The following GALNT13 variants were observed in gnomAD, a reference collection of about 807,000 sequenced individuals.
GALNT13 encodes the protein UDP-GalNAc:polypeptide N-acetylgalactosaminyltransferase 13.
In GALNT13, 28 loss-of-function variants were observed where a neutral mutation model predicts 64.2. The observed-to-expected ratio is 0.44, with a 90% CI of 0.32 to 0.60. GALNT13 has a LOEUF of 0.60. GALNT13 is among the 20% of genes least tolerant of loss of function. GALNT13 has a pLI of 0.05. For synonymous variants in GALNT13, 214 were observed against 224.6 expected (o/e 0.95, Z 0.42); for missense variants, 577 against 669.8 (o/e 0.86, Z 1.53).
At chr2:153,315,196 C>T in the GALNT13 span, among the ~76,000 whole-genome samples, 2 of 152,144 alleles carry the variant, frequency 1.3e-5, no homozygotes, top group African/African-American at 4.8e-5. Flanking sequence ...TTCATGCAGA[C>T]TATTAGAACA....
the GALNT13 span, among the ~76,000 whole-genome samples, chr2:153,144,917 A>G: frequency 1.3e-5 from 2 of 152,054 alleles, no homozygotes; most frequent in East Asian, 3.9e-4. Flanking sequence ...TTCTAATACA[A>G]TTATCAAAAA....
chr2:154,356,514 T>A (rs1364827909), intron 9 of GALNT13, among the ~76,000 whole-genome samples: 1 of 152,020 alleles, frequency 6.6e-6, no homozygotes, highest in Non-Finnish European at 1.5e-5. Flanking sequence ...GTATTCTACA[T>A]GAATACTCAT....
chr2:153,926,135 C>T (rs990068), intron 2 of GALNT13, among the ~76,000 whole-genome samples: 2 of 151,808 alleles, frequency 1.3e-5, no homozygotes, highest in Admixed American at 6.6e-5. Flanking sequence ...GAAATCACTA[C>T]GCATCTCAGA....
At chr2:153,946,262 C>A (rs1691733816) in intron 3 of GALNT13, among the ~76,000 whole-genome samples, 1 of 152,106 alleles carries the variant, frequency 6.6e-6, no homozygotes, top group African/African-American at 2.4e-5. Flanking sequence ...ACTTTGATAG[C>A]CTTTTCTGCC....
At chr2:153,257,455 A>G in the GALNT13 span, among the ~76,000 whole-genome samples, 1 of 152,024 alleles carries the variant, frequency 6.6e-6, no homozygotes, top group East Asian at 1.9e-4. Context: ...AGCTGTTCCT[A>G]TTCAGCCATC....
At chr2:153,418,714 C>A in the GALNT13 span, among the ~76,000 whole-genome samples, 2 of 151,932 alleles carry the variant, frequency 1.3e-5, no homozygotes, top group African/African-American at 4.8e-5. Flanking sequence ...GGAGGGTAGC[C>A]GGGCATGGTG....
At chr2:154,079,438 T>A (rs1170955147) in intron 3 of GALNT13, among the ~76,000 whole-genome samples, 2 of 151,536 alleles carry the variant, frequency 1.3e-5, no homozygotes, top group East Asian at 1.9e-4. Flanking sequence ...TGATAAAAAA[T>A]ATATATATTT....
At chr2:154,316,668 C>A (rs1694335300) in intron 9 of GALNT13, among the ~76,000 whole-genome samples, 1 of 152,128 alleles carries the variant, frequency 6.6e-6, no homozygotes, top group African/African-American at 2.4e-5. Flanking sequence ...TGCATCATAG[C>A]ATGGCAGAGG....
chr2:153,154,583 T>G, the GALNT13 span, among the ~76,000 whole-genome samples: 1 of 152,196 alleles, frequency 6.6e-6, no homozygotes, highest in Non-Finnish European at 1.5e-5. Flanking sequence ...CTAGTGATTT[T>G]TGCACATTGA....
chr2:153,617,284 A>T, the GALNT13 span, among the ~76,000 whole-genome samples: 1 of 152,094 alleles, frequency 6.6e-6, no homozygotes, highest in South Asian at 2.1e-4. Flanking sequence ...GGGATGATAA[A>T]TTTTATCAAC....
In GALNT13 at chr2:154,292,267, C is replaced by T. The variant is rs1294063799; in HGVS notation, c.976-9142C>T. Among the ~76,000 whole-genome samples the T allele has an allele frequency of 4.6e-5, 7 of 152,020 alleles. No homozygotes were observed. In the East Asian group the frequency reaches 1.2e-3, roughly 25 times the overall value. ...GGTAGCCCAGAGCCTGCTCTTTCAC[C>T]ATGTTGCTGACATACCCTCATATAT... On this transcript the variant is annotated intron_variant, in intron 8 of 12. Coordinates refer to ENST00000392825, the MANE Select transcript of GALNT13 (RefSeq NM_052917.4).
At chr2:153,946,453 A>G (rs1004711268) in intron 3 of GALNT13, among the ~76,000 whole-genome samples, 18 of 152,070 alleles carry the variant, frequency 1.2e-4, no homozygotes, top group African/African-American at 4.3e-4. Flanking sequence ...TCAGGTTGTT[A>G]AAAAAATATA....
chr2:153,442,350 G>T, the GALNT13 span, among the ~76,000 whole-genome samples: 3 of 152,200 alleles, frequency 2.0e-5, no homozygotes, highest in Non-Finnish European at 4.4e-5. Flanking sequence ...TGGTTTGCCA[G>T]TGTTTTATTG....
chr2:153,803,015 C>T, the GALNT13 span, among the ~76,000 whole-genome samples: 1 of 152,178 alleles, frequency 6.6e-6, no homozygotes, highest in Non-Finnish European at 1.5e-5. Flanking sequence ...GTGCCCTTAA[C>T]AAGAACACAA....
chr2:154,359,014 G>T (rs1288172830), intron 9 of GALNT13, among the ~76,000 whole-genome samples: 3 of 152,094 alleles, frequency 2.0e-5, no homozygotes, highest in African/African-American at 7.2e-5. Flanking sequence ...GTTATGCTGG[G>T]AGGCAGGAAC....
chr2:154,375,274 C>A (rs968851003), intron 9 of GALNT13, among the ~76,000 whole-genome samples: 1 of 152,070 alleles, frequency 6.6e-6, no homozygotes, highest in African/African-American at 2.4e-5. Context: ...AGGCTTGAGC[C>A]ACCGCATCCA....
intron 9 of GALNT13, among the ~76,000 whole-genome samples, chr2:154,341,172 A>G (rs1423232837): frequency 6.6e-6 from 1 of 152,068 alleles, no homozygotes; most frequent in Admixed American, 6.6e-5. Context: ...ACAGGCATGT[A>G]CAAAGGAAAA....
chr2:153,324,526 C>A, the GALNT13 span, among the ~76,000 whole-genome samples: 1 of 152,194 alleles, frequency 6.6e-6, no homozygotes, highest in African/African-American at 2.4e-5. Context: ...ACTTCCAATA[C>A]TATGTTGAAT....
At chr2:153,661,030 G>GA in the GALNT13 span, among the ~76,000 whole-genome samples, 1 of 152,040 alleles carries the variant, frequency 6.6e-6, no homozygotes, top group Non-Finnish European at 1.5e-5. Context: ...ATAAATAGGG[G>GA]AAAAATTGTT....
Sources: allele counts gnomAD v4.1 joint callset (sites outside exome capture counted in the v4.1 genomes callset), GRCh38; gene constraint gnomAD v4.1.1; transcripts MANE v1.5; gene names NCBI Gene and HGNC (gene_info 2026-07-23, HGNC 2026-07-21).